The following STK24 variants were observed in gnomAD, a reference collection of about 807,000 sequenced individuals.
STK24 encodes the protein serine/threonine kinase 24, also known as serine/threonine-protein kinase 24.
A neutral mutation model predicts 55.6 loss-of-function variants in STK24; 21 were observed. The ratio of observed to expected loss-of-function variants is 0.38; its 90% CI spans 0.27 to 0.54. STK24 has a LOEUF of 0.54. Ranked by LOEUF, STK24 falls within the 20% of genes least tolerant of loss-of-function variation. STK24 has a pLI of 0.79. For synonymous variants in STK24, 200 were observed against 215.2 expected (o/e 0.93, Z 0.62); for missense variants, 383 against 538.4 (o/e 0.71, Z 2.86).
At chr13:98,486,113 G>A (rs1894796499) in intron 2 of STK24, among the ~76,000 whole-genome samples, 1 of 152,018 alleles carries the variant, frequency 6.6e-6, no homozygotes, top group Non-Finnish European at 1.5e-5. Flanking sequence ...GTAGATGACG[G>A]TTTGATGGGT....
intron 1 of STK24, among the ~76,000 whole-genome samples, chr13:98,575,106 C>T (rs1328250666): frequency 6.6e-6 from 1 of 152,052 alleles, no homozygotes; most frequent in African/African-American, 2.4e-5. Context: ...CTTTCTTGCT[C>T]GACTAGTAAG....
At chr13:98,475,126 C>T in intron 4 of STK24, 124 bp downstream of exon 4, 5 of 1,405,708 alleles carry the variant, frequency 3.6e-6, no homozygotes, top group Non-Finnish European at 4.8e-6. Flanking sequence ...TCAAAGCCAG[C>T]CCAGCCCAGG....
chr13:98,546,684 C>T (rs573469137), intron 1 of STK24, among the ~76,000 whole-genome samples: 26 of 152,282 alleles, frequency 1.7e-4, no homozygotes, highest in African/African-American at 6.3e-4. Context: ...GGGGCAGCCC[C>T]TATCACGGAA....
At chr13:98,554,891 T>C (rs966687681) in intron 1 of STK24, among the ~76,000 whole-genome samples, 3 of 151,764 alleles carry the variant, frequency 2.0e-5, no homozygotes, top group African/African-American at 7.3e-5. Context: ...GGCACACACC[T>C]GTAATCTCAG....
chr13:98,448,306 CT>C lies in STK24; in HGVS notation c.*4866del. 6.2e-7 allele frequency: 1 copy of C among 1,612,940 alleles called. No individual in the cohort carries two copies. Among genetic ancestry groups the C allele is most frequent in the Non-Finnish European group, 8.5e-7 (1 of 1,178,890 alleles). ...CCACGTGTTGAGTCACAAAGAGTCT[CT>C]TGTGTATTGATGGCCGGACACACTC... On this transcript the variant is annotated 3_prime_UTR_variant, in exon 11 of 11. Coordinates refer to ENST00000539966, the MANE Select transcript of STK24 (RefSeq NM_001032296.4).
chr13:98,450,909 G>A lies in STK24; in HGVS notation c.*2264C>T, dbSNP rs1223864898. ...AACAGCCCAGGAGAGAATGTACACA[G>A]AGGCGAGCTTTCTAACTCCATCAAA... On this transcript the variant is annotated 3_prime_UTR_variant, in exon 11 of 11. Coordinates refer to ENST00000539966, the MANE Select transcript of STK24 (RefSeq NM_001032296.4). The A allele has an allele frequency of 6.6e-6, 1 of 152,216 alleles. No homozygotes were observed. Among genetic ancestry groups the A allele is most frequent in the African/African-American group, 2.4e-5 (1 of 41,450 alleles). 9.4% of individuals were successfully genotyped at this position (152,216 alleles called of 1,614,324 possible).
intron 2 of STK24, among the ~76,000 whole-genome samples, chr13:98,485,274 T>G (rs1223017483): frequency 6.6e-6 from 1 of 152,168 alleles, no homozygotes; most frequent in African/African-American, 2.4e-5. Context: ...CGGGGAGAAT[T>G]TTTAAGGATA....
chr13:98,533,210 C>T (rs1436624257), intron 1 of STK24, among the ~76,000 whole-genome samples: 2 of 152,070 alleles, frequency 1.3e-5, no homozygotes, highest in Admixed American at 6.5e-5. Context: ...GAAACCCCAT[C>T]TCTACAAAAA....
chr13:98,464,404 G>A (rs1417391576), intron 6 of STK24, among the ~76,000 whole-genome samples: 10 of 151,078 alleles, frequency 6.6e-5, no homozygotes, highest in Non-Finnish European at 1.3e-4. Flanking sequence ...GGGCGACAGA[G>A]CAAGACTCTG....
rs140566705 is a variant in STK24 at position 98,515,797 on chromosome 13, C to T, written c.273+3446G>A. 2.6e-4 allele frequency among the ~76,000 whole-genome samples: 39 copies of T among 152,302 alleles called. No individual in the cohort carries two copies. In the East Asian group the frequency reaches 6.6e-3, roughly 26 times the overall value. ...ACCCCAACAATGAAGAAACCCATTTCTGGTAATCTCTTCTTTGTCCTGGCC... is the reference window on the plus strand; with the variant it reads ...ACCCCAACAATGAAGAAACCCATTTTTGGTAATCTCTTCTTTGTCCTGGCC... On this transcript the variant is annotated intron_variant, in intron 2 of 10. Coordinates refer to ENST00000539966, the MANE Select transcript of STK24 (RefSeq NM_001032296.4).
chr13:98,463,579 T>G, intron 7 of STK24, 112 bp downstream of exon 7: 2 of 1,177,718 alleles, frequency 1.7e-6, no homozygotes, highest in Non-Finnish European at 2.2e-6. Flanking sequence ...CCAACCTGGA[T>G]TGTCTAAAAA....
intron 7 of STK24, among the ~76,000 whole-genome samples, chr13:98,462,279 C>G (rs766295597): frequency 5.9e-5 from 9 of 152,192 alleles, no homozygotes; most frequent in Non-Finnish European, 1.2e-4. Flanking sequence ...TGGCTCATGC[C>G]TGTCATTCCA....
At chr13:98,463,635 A>T in intron 7 of STK24, 56 bp downstream of exon 7, 1 of 1,527,594 alleles carries the variant, frequency 6.5e-7, no homozygotes, top group Non-Finnish European at 8.8e-7. Flanking sequence ...AAACAGTGAC[A>T]AAGACCAGCG....
At chr13:98,495,764 T>A (rs1047364718) in intron 2 of STK24, among the ~76,000 whole-genome samples, 4 of 152,244 alleles carry the variant, frequency 2.6e-5, no homozygotes, top group African/African-American at 9.6e-5. Context: ...TACCCCATAA[T>A]TGATTGCGAA....
At chr13:98,474,000 A>C (rs1185144996) in intron 5 of STK24, among the ~76,000 whole-genome samples, 1 of 152,212 alleles carries the variant, frequency 6.6e-6, no homozygotes, top group Admixed American at 6.5e-5. Flanking sequence ...GTTTGCTCAG[A>C]AACTTGGAGC....
intron 1 of STK24, among the ~76,000 whole-genome samples, chr13:98,551,395 T>C (rs765430544): frequency 2.6e-5 from 4 of 151,790 alleles, no homozygotes; most frequent in African/African-American, 4.8e-5. Flanking sequence ...TCTTCAAGGC[T>C]ATTCTGAGTT....
chr13:98,545,671 GGAA>G (rs577288028), intron 1 of STK24, among the ~76,000 whole-genome samples: 71 of 149,990 alleles, frequency 4.7e-4, no homozygotes, highest in African/African-American at 1.5e-3. Context: ...CTTGGCTTCA[GGAA>G]GAAGATTTTA....
intron 1 of STK24, among the ~76,000 whole-genome samples, chr13:98,564,510 A>C (rs550713374): frequency 3.3e-5 from 5 of 152,350 alleles, no homozygotes; most frequent in African/African-American, 1.2e-4. Flanking sequence ...AGCTGAGCCC[A>C]CCCAGGGCAG....
intron 1 of STK24, among the ~76,000 whole-genome samples, chr13:98,523,766 A>G (rs575182016): frequency 1.3e-5 from 2 of 152,336 alleles, no homozygotes; most frequent in East Asian, 3.9e-4. Flanking sequence ...ATCACGAGAA[A>G]TCGTGAGCCT....
Sources: gnomAD v4.1 joint callset for allele counts (sites outside exome capture counted in the v4.1 genomes callset) on GRCh38, gnomAD v4.1.1 for gene constraint, MANE v1.5 for transcripts, NCBI Gene and HGNC (gene_info 2026-07-23, HGNC 2026-07-21) for gene names.